Variants in ADARB2 observed in about 807,000 individuals in gnomAD.
The protein encoded by ADARB2 is inactive double-stranded RNA-specific editase B2.
In ADARB2, 25 loss-of-function variants were observed where a neutral mutation model predicts 62.2. The observed-to-expected ratio is 0.40, with a 90% CI of 0.29 to 0.56. The LOEUF (loss-of-function observed/expected upper bound fraction) is 0.56, where lower values mean the gene tolerates loss of function less well. ADARB2 is among the 20% of genes least tolerant of loss of function. The probability of loss-of-function intolerance (pLI) is 0.43; values close to 1 mark genes in which losing one functional copy is unlikely to be tolerated. For missense variants in ADARB2, 1,071 were observed against 1,077.4 expected, an observed-to-expected ratio of 0.99 and a Z score of 0.08; for synonymous variants, 572 against 500.8, an observed-to-expected ratio of 1.14 and a Z score of -1.90.
intron 1 of ADARB2, among the ~76,000 whole-genome samples, chr10:1,446,422 C>T (rs1830970154): frequency 6.6e-6 from 1 of 152,222 alleles, no homozygotes; most frequent in Non-Finnish European, 1.5e-5. Flanking sequence ...ATTCAGTCTT[C>T]ACAATGACTT....
chr10:1,391,766 A>ATTTTTTTTTTT (rs60956446), intron 1 of ADARB2, among the ~76,000 whole-genome samples: 2 of 91,646 alleles, frequency 2.2e-5, no homozygotes, highest in Non-Finnish European at 2.0e-5. Context: ...TAAGAATTGG[A>ATTTTTTTTTTT]TTTTTTTTTT....
chr10:1,515,206 G>A (rs1831993668), intron 1 of ADARB2, among the ~76,000 whole-genome samples: 3 of 152,234 alleles, frequency 2.0e-5, no homozygotes, highest in Non-Finnish European at 4.4e-5. Flanking sequence ...CAGCCTCAAT[G>A]AGGCCAGAAG....
chr10:1,467,757 G>T (rs1274754967), intron 1 of ADARB2, among the ~76,000 whole-genome samples: 1 of 152,166 alleles, frequency 6.6e-6, no homozygotes, highest in Non-Finnish European at 1.5e-5. Context: ...TGTTGATGCT[G>T]GTGGATTGTA....
At chr10:1,632,589 A>G (rs1445823423) in intron 1 of ADARB2, among the ~76,000 whole-genome samples, 1 of 152,188 alleles carries the variant, frequency 6.6e-6, no homozygotes, top group African/African-American at 2.4e-5. Context: ...AGTGTCCATG[A>G]CGGTTCTCCA....
At chr10:1,322,494 A>G (rs897650648) in intron 3 of ADARB2, among the ~76,000 whole-genome samples, 7 of 152,318 alleles carry the variant, frequency 4.6e-5, no homozygotes, top group Admixed American at 4.6e-4. Context: ...AGGGAGATTT[A>G]CCAGATTGGA....
chr10:1,659,711 A>G (rs1473342065), intron 1 of ADARB2, among the ~76,000 whole-genome samples: 1 of 152,198 alleles, frequency 6.6e-6, no homozygotes, highest in Admixed American at 6.5e-5. Context: ...TGGGCAACCC[A>G]TCATGCTGCT....
At chr10:1,635,411 G>A (rs1432981168) in intron 1 of ADARB2, among the ~76,000 whole-genome samples, 1 of 152,180 alleles carries the variant, frequency 6.6e-6, no homozygotes, top group African/African-American at 2.4e-5. Context: ...CATCTAAGAC[G>A]GTATGAGCCT....
intron 1 of ADARB2, among the ~76,000 whole-genome samples, chr10:1,567,019 C>A (rs757901515): frequency 6.6e-6 from 1 of 152,128 alleles, no homozygotes; most frequent in Non-Finnish European, 1.5e-5. Flanking sequence ...AGTAAGAATT[C>A]TTAATTGTAT....
chr10:1,729,431 G>A (rs889533756), intron 1 of ADARB2, among the ~76,000 whole-genome samples: 1 of 152,152 alleles, frequency 6.6e-6, no homozygotes, highest in Admixed American at 6.5e-5. Context: ...CCCAATGCAA[G>A]CACAGCATCT....
At chr10:1,498,116 T>C (rs569493651) in intron 1 of ADARB2, among the ~76,000 whole-genome samples, 1 of 152,308 alleles carries the variant, frequency 6.6e-6, no homozygotes, top group African/African-American at 2.4e-5. Context: ...CTCACGCTTG[T>C]AATCCCGGCA....
At chr10:1,555,585 A>C (rs949862173) in intron 1 of ADARB2, among the ~76,000 whole-genome samples, 4 of 152,166 alleles carry the variant, frequency 2.6e-5, no homozygotes, top group African/African-American at 9.7e-5. Context: ...TTCATTAAGA[A>C]ACTGTGTCCC....
chr10:1,674,166 C>T (rs963147137), intron 1 of ADARB2, among the ~76,000 whole-genome samples: 3 of 152,216 alleles, frequency 2.0e-5, no homozygotes, highest in Admixed American at 6.5e-5. Flanking sequence ...GAGTGCATTC[C>T]GTAATGTGTG....
chr10:1,673,336 GTGTGTGTA>G (rs1037746198), intron 1 of ADARB2, among the ~76,000 whole-genome samples: 3 of 151,674 alleles, frequency 2.0e-5, no homozygotes, highest in African/African-American at 7.3e-5. Flanking sequence ...GTGTGTGTGT[GTGTGTGTA>G]TGTGTGTGTA....
intron 3 of ADARB2, among the ~76,000 whole-genome samples, chr10:1,338,342 T>C (rs967180432): frequency 2.0e-5 from 3 of 152,246 alleles, no homozygotes; most frequent in East Asian, 3.8e-4. Context: ...CCCAGTTCAC[T>C]GAGTCTGGTC....
intron 1 of ADARB2, among the ~76,000 whole-genome samples, chr10:1,707,436 G>C (rs979895999): frequency 1.3e-5 from 2 of 152,226 alleles, no homozygotes; most frequent in African/African-American, 4.8e-5. Context: ...TTGGCCAGTG[G>C]TCTTCTCACA....
chr10:1,272,188 C>G (rs1267653825), intron 3 of ADARB2, among the ~76,000 whole-genome samples: 9 of 152,160 alleles, frequency 5.9e-5, no homozygotes, highest in African/African-American at 2.2e-4. Flanking sequence ...ATCCAGGAGG[C>G]AGGAAACAGT....
chr10:1,224,158 T>C (rs1186380200), intron 6 of ADARB2, among the ~76,000 whole-genome samples: 1 of 152,200 alleles, frequency 6.6e-6, no homozygotes, highest in Admixed American at 6.5e-5. Flanking sequence ...CTTGGGAGGA[T>C]GTATGTGTCG....
chr10:1,675,838 G>A (rs768617510), intron 1 of ADARB2, among the ~76,000 whole-genome samples: 25 of 152,126 alleles, frequency 1.6e-4, no homozygotes, highest in African/African-American at 2.4e-4. Context: ...AAGGGAAGCC[G>A]TGTCTCTGAT....
At chr10:1,274,297 C>A (rs1204237613) in intron 3 of ADARB2, among the ~76,000 whole-genome samples, 3 of 152,216 alleles carry the variant, frequency 2.0e-5, no homozygotes, top group African/African-American at 4.8e-5. Flanking sequence ...GGTTCACTGT[C>A]GTTGCCAGCT....
Sources: gnomAD v4.1 joint callset for allele counts (sites outside exome capture counted in the v4.1 genomes callset) on GRCh38, gnomAD v4.1.1 for gene constraint, MANE v1.5 for transcripts, NCBI Gene and HGNC (gene_info 2026-07-23, HGNC 2026-07-21) for gene names.